Variants in CSMD3 observed in about 807,000 individuals in gnomAD.
CSMD3 encodes CUB and sushi domain-containing protein 3.
In CSMD3, 177 loss-of-function variants were observed where a neutral mutation model predicts 435.2. That is an observed-to-expected ratio of 0.41 (90% CI 0.36 to 0.46). The LOEUF (loss-of-function observed/expected upper bound fraction) is 0.46, where lower values mean the gene tolerates loss of function less well. Among genes scored for constraint, CSMD3 ranks in the 20% least tolerant of loss-of-function variants. The pLI, the probability that CSMD3 is intolerant of heterozygous loss-of-function variation, is 0.34. For synonymous variants in CSMD3, 1,656 were observed against 1,520.5 expected, an observed-to-expected ratio of 1.09 and a Z score of -2.07; for missense variants, 4,265 against 4,504.6, an observed-to-expected ratio of 0.95 and a Z score of 1.52.
At chr8:112,352,323 A>G in intron 39 of CSMD3, 93 bp downstream of exon 39, 3 of 1,587,964 alleles carry the variant, frequency 1.9e-6, no homozygotes, top group Non-Finnish European at 2.6e-6. Flanking sequence ...ACCAGGATCA[A>G]TGTTGTAAAA....
intron 4 of CSMD3, among the ~76,000 whole-genome samples, chr8:113,150,129 A>T (rs962842515): frequency 6.6e-6 from 1 of 151,914 alleles, no homozygotes; most frequent in Non-Finnish European, 1.5e-5. Context: ...TCTTTAGCAT[A>T]CTCTACAGAG....
At chr8:113,107,264 C>T (rs560565221) in intron 4 of CSMD3, among the ~76,000 whole-genome samples, 9 of 152,304 alleles carry the variant, frequency 5.9e-5, no homozygotes, top group South Asian at 2.1e-4. Flanking sequence ...GTCATGCAAA[C>T]GGCATTACAC....
At chr8:112,928,291 T>C (rs1195061745) in intron 9 of CSMD3, among the ~76,000 whole-genome samples, 6 of 152,288 alleles carry the variant, frequency 3.9e-5, no homozygotes, top group South Asian at 2.1e-4. Flanking sequence ...GCTAGTTAAA[T>C]AGCTAACCAA....
intron 5 of CSMD3, among the ~76,000 whole-genome samples, chr8:113,064,186 A>T (rs576781616): frequency 1.2e-4 from 18 of 152,044 alleles, no homozygotes; most frequent in African/African-American, 3.9e-4. Flanking sequence ...AAATCATTTC[A>T]GTGGTTTTAC....
chr8:112,957,969 T>C (rs2084090946), intron 7 of CSMD3, among the ~76,000 whole-genome samples: 1 of 152,224 alleles, frequency 6.6e-6, no homozygotes, highest in Admixed American at 6.5e-5. Flanking sequence ...GGTCTCGATC[T>C]CTTGACCTCA....
chr8:112,277,840 A>G (rs981343325), intron 59 of CSMD3, among the ~76,000 whole-genome samples: 1 of 152,150 alleles, frequency 6.6e-6, no homozygotes, highest in Non-Finnish European at 1.5e-5. Context: ...ATCAGATCTT[A>G]TGAGACTTAG....
At chr8:112,465,974 C>CAAAAAAAAAAAAAAAAAAA (rs201876803) in intron 32 of CSMD3, among the ~76,000 whole-genome samples, 1 of 114,168 alleles carries the variant, frequency 8.8e-6, no homozygotes, top group African/African-American at 3.5e-5. Flanking sequence ...GACACCATCT[C>CAAAAAAAAAAAAAAAAAAA]AAAAAAAAAA....
At chr8:112,562,868 G>T (rs1028358568) in intron 24 of CSMD3, among the ~76,000 whole-genome samples, 1 of 151,366 alleles carries the variant, frequency 6.6e-6, no homozygotes, top group Admixed American at 6.6e-5. Flanking sequence ...TATATGGCAA[G>T]CATATTTCTC....
chr8:112,690,597 C>G (rs998306346), intron 13 of CSMD3, among the ~76,000 whole-genome samples: 15 of 149,068 alleles, frequency 1.0e-4, no homozygotes, highest in African/African-American at 2.7e-4. Flanking sequence ...ACCCCCCCCC[C>G]CAACAAAAAA....
chr8:112,496,513 A>G (rs1250149884), intron 30 of CSMD3, among the ~76,000 whole-genome samples: 1 of 152,204 alleles, frequency 6.6e-6, no homozygotes, highest in Non-Finnish European at 1.5e-5. Flanking sequence ...TCTCACATTT[A>G]TTGTAGTACT....
At chr8:113,384,131 C>T (rs2094429607) in intron 1 of CSMD3, among the ~76,000 whole-genome samples, 3 of 152,066 alleles carry the variant, frequency 2.0e-5, no homozygotes, top group Non-Finnish European at 4.4e-5. Context: ...GCTCATGTCC[C>T]CTCCTTAAAG....
chr8:113,066,024 A>G (rs571376587), intron 5 of CSMD3, among the ~76,000 whole-genome samples: 1 of 151,118 alleles, frequency 6.6e-6, no homozygotes, highest in South Asian at 2.1e-4. Context: ...ACAAATGGCA[A>G]TGCATGCTCT....
intron 48 of CSMD3, 43 bp from the exon 49 acceptor site, chr8:112,314,095 T>C: frequency 1.4e-6 from 2 of 1,442,360 alleles, no homozygotes; most frequent in Non-Finnish European, 1.9e-6. Flanking sequence ...GCTAATTATA[T>C]TCTCATTTGT....
chr8:112,245,423 TA>T lies in CSMD3; in HGVS notation c.10223-851del, dbSNP rs988415400. ...CTGAAAAAAGTGTTCTGTGGATAAATAAAAAAAAACAATATTTTTCATTTGT... is the reference window on the plus strand; with the variant it reads ...CTGAAAAAAGTGTTCTGTGGATAAATAAAAAAAACAATATTTTTCATTTGT... On this transcript the variant is annotated intron_variant, in intron 64 of 70. Transcript: ENST00000297405. 4.6e-5 allele frequency among the ~76,000 whole-genome samples: 7 copies of T among 151,380 alleles called. No homozygotes were observed. In the South Asian group the frequency reaches 6.3e-4, roughly 14 times the overall value.
chr8:113,183,321 T>C (rs1396101371), intron 3 of CSMD3, among the ~76,000 whole-genome samples: 1 of 152,016 alleles, frequency 6.6e-6, no homozygotes, highest in Non-Finnish European at 1.5e-5. Flanking sequence ...AGATGACTCA[T>C]ATAATTTATT....
intron 5 of CSMD3, among the ~76,000 whole-genome samples, chr8:113,046,932 C>T (rs558520436): frequency 6.6e-6 from 1 of 152,268 alleles, no homozygotes; most frequent in African/African-American, 2.4e-5. Flanking sequence ...CAGGCTGTGC[C>T]AGGAAGAGTT....
intron 32 of CSMD3, among the ~76,000 whole-genome samples, chr8:112,443,856 C>T (rs900373149): frequency 2.0e-5 from 3 of 151,916 alleles, no homozygotes; most frequent in Non-Finnish European, 4.4e-5. Context: ...ATTAATAGTA[C>T]TAATATTGCT....
At chr8:112,255,199 T>A (rs551543096) in intron 62 of CSMD3, 55 bp downstream of exon 62, 10 of 1,398,488 alleles carry the variant, frequency 7.2e-6, no homozygotes, top group African/African-American at 1.4e-5. Context: ...CCATTAAATG[T>A]CACCCCTATT....
At chr8:112,355,945 G>A (rs118142006) in intron 38 of CSMD3, among the ~76,000 whole-genome samples, 2,156 of 152,222 alleles carry the variant, frequency 0.014, 34 homozygotes, top group South Asian at 0.036. Context: ...CTCAATATCA[G>A]TAATCACCAA....
Sources: allele counts gnomAD v4.1 joint callset (sites outside exome capture counted in the v4.1 genomes callset), GRCh38; gene constraint gnomAD v4.1.1; transcripts MANE v1.5; gene names NCBI Gene and HGNC (gene_info 2026-07-23, HGNC 2026-07-21).